PCDH11X: variants seen among roughly 807,000 people sequenced by gnomAD.
The protein encoded by PCDH11X is protocadherin 11 X-linked, also known as protocadherin-11 X-linked.
A neutral mutation model predicts 53.3 loss-of-function variants in PCDH11X; 18 were observed. The ratio of observed to expected loss-of-function variants is 0.34; its 90% CI spans 0.23 to 0.50. The LOEUF is 0.50. PCDH11X is among the 20% of genes least tolerant of loss of function. The pLI is 0.98. For synonymous variants in PCDH11X, 279 were observed against 393.3 expected, an observed-to-expected ratio of 0.71 and a Z score of 3.44; for missense variants, 570 against 1,032.4, an observed-to-expected ratio of 0.55 and a Z score of 6.14.
chrX:92,431,523 A>G (rs2072250334), intron 9 of PCDH11X, among the ~76,000 whole-genome samples: 1 of 110,738 alleles, frequency 9.0e-6, no homozygotes, highest in Non-Finnish European at 1.9e-5. Context: ...GCATTTGAAA[A>G]TGTGCAGAAA....
intron 5 of PCDH11X, among the ~76,000 whole-genome samples, chrX:91,869,020 A>T (rs918539208): frequency 5.4e-5 from 6 of 111,741 alleles, no homozygotes; most frequent in Non-Finnish European, 9.4e-5. Context: ...GACTCAATTT[A>T]TACATAGAAA....
intron 8 of PCDH11X, among the ~76,000 whole-genome samples, chrX:92,377,905 G>T (rs1229427607): frequency 2.7e-4 from 29 of 108,311 alleles, no homozygotes; most frequent in African/African-American, 9.7e-4. Context: ...TATATCCAAA[G>T]ACAATTCATC....
intron 4 of PCDH11X, among the ~76,000 whole-genome samples, chrX:91,813,811 C>G (rs1936366537): frequency 9.1e-6 from 1 of 109,735 alleles, no homozygotes; most frequent in African/African-American, 3.3e-5. Context: ...TAAAAAAACC[C>G]TTTTCTTCTG....
At position 91,899,373 on chromosome X, in the gene PCDH11X, C is replaced by A. The variant is rs1242948133; in HGVS notation, c.3033+20100C>A. On this transcript the variant is annotated intron_variant, in intron 6 of 10. Coordinates refer to ENST00000682573, the MANE Select transcript of PCDH11X (RefSeq NM_032968.5). ...CCTGCTTTTATTCTAGCCGTGCTGGCAGCTGATTAGATTGTGTCCACCGAT... is the reference window on the plus strand; with the variant it reads ...CCTGCTTTTATTCTAGCCGTGCTGGAAGCTGATTAGATTGTGTCCACCGAT... 3.6e-5 allele frequency among the ~76,000 whole-genome samples: 4 copies of A among 110,893 alleles called. No individual in the cohort carries two copies. In the East Asian group the frequency reaches 8.6e-4, roughly 24 times the overall value.
chrX:92,117,384 C>T (rs182619833), intron 6 of PCDH11X, among the ~76,000 whole-genome samples: 4 of 107,465 alleles, frequency 3.7e-5, no homozygotes, highest in Non-Finnish European at 5.7e-5. Flanking sequence ...TTCCAGTGAG[C>T]GGGGATCGGG....
chrX:91,940,128 A>G (rs955573267), intron 6 of PCDH11X, among the ~76,000 whole-genome samples: 2 of 110,286 alleles, frequency 1.8e-5, no homozygotes, highest in Non-Finnish European at 3.8e-5. Context: ...GTGAGTTCTC[A>G]TTAGATCTGA....
chrX:92,060,493 C>A (rs1239150310), intron 6 of PCDH11X, among the ~76,000 whole-genome samples: 1 of 109,402 alleles, frequency 9.1e-6, no homozygotes, highest in Non-Finnish European at 1.9e-5. Flanking sequence ...ACACCCTCCA[C>A]CCTGAAGTAG....
chrX:92,517,535 A>T (rs1217915534), intron 10 of PCDH11X, among the ~76,000 whole-genome samples: 1 of 111,833 alleles, frequency 8.9e-6, no homozygotes, highest in Non-Finnish European at 1.9e-5. Flanking sequence ...ACAGTGTACC[A>T]GAACACTGGT....
At chrX:92,143,114 T>TA (rs1776708132) in intron 6 of PCDH11X, among the ~76,000 whole-genome samples, 2 of 111,050 alleles carry the variant, frequency 1.8e-5, no homozygotes, top group African/African-American at 3.3e-5. Context: ...TCTATCTGTT[T>TA]AAAAAAAGAA....
At chrX:91,892,295 C>T (rs761360190) in intron 6 of PCDH11X, among the ~76,000 whole-genome samples, 20 of 107,087 alleles carry the variant, frequency 1.9e-4, no homozygotes, top group Non-Finnish European at 3.5e-4. Flanking sequence ...AACAGGTTGC[C>T]TTACTTTCTA....
Position 91,807,611 on chromosome X carries a change from T to C in PCDH11X, c.-378-1855T>C, listed in dbSNP as rs1936162449. 4.5e-5 allele frequency among the ~76,000 whole-genome samples: 5 copies of C among 111,279 alleles called. No homozygotes were observed. The Admixed American group carries it at 4.8e-4, about 11-fold the overall frequency. ...TTTCAGAATTTTAGAATCTATGTGTTAGCAAACTGTGTATTCATAGGTTCA... is the reference window on the plus strand; with the variant it reads ...TTTCAGAATTTTAGAATCTATGTGTCAGCAAACTGTGTATTCATAGGTTCA... On this transcript the variant is annotated intron_variant, in intron 1 of 10. Coordinates refer to ENST00000682573, the MANE Select transcript of PCDH11X (RefSeq NM_032968.5).
At chrX:92,319,598 G>T (rs2069154854) in intron 8 of PCDH11X, among the ~76,000 whole-genome samples, 1 of 110,237 alleles carries the variant, frequency 9.1e-6, no homozygotes, top group South Asian at 3.9e-4. Context: ...AGGCTTAAGT[G>T]ATCCTCCGCT....
At chrX:92,089,945 A>G (rs906241598) in intron 6 of PCDH11X, among the ~76,000 whole-genome samples, 4 of 106,006 alleles carry the variant, frequency 3.8e-5, no homozygotes, top group Admixed American at 2.1e-4. Context: ...TTTTAATAAC[A>G]TTGCAATAAA....
At chrX:92,223,098 A>C (rs1016917063) in intron 7 of PCDH11X, among the ~76,000 whole-genome samples, 1 of 112,329 alleles carries the variant, frequency 8.9e-6, no homozygotes, top group Non-Finnish European at 1.9e-5. Context: ...TGATCCTGCC[A>C]ACTCAGCCTC....
intron 4 of PCDH11X, among the ~76,000 whole-genome samples, chrX:91,824,656 A>G (rs1378847935): frequency 9.8e-6 from 1 of 101,871 alleles, no homozygotes; most frequent in Non-Finnish European, 1.9e-5. Flanking sequence ...TGATCGTCTG[A>G]AGCCATCTTC....
chrX:92,030,340 GT>G lies in PCDH11X; in HGVS notation c.3033+151076del, dbSNP rs961926611. Reference sequence around the variant, plus strand: ...GGTTGGGCAAAGATTTTTTATTTTAGTTTTTTTTTAATTTTTAATTTTTGTG... The same window carrying G: ...GGTTGGGCAAAGATTTTTTATTTTAGTTTTTTTTAATTTTTAATTTTTGTG... On this transcript the variant is annotated intron_variant, in intron 6 of 10. Transcript: ENST00000682573. Among the ~76,000 whole-genome samples, 8 of 108,445 alleles carry G rather than the reference GT, an allele frequency of 7.4e-5. No individual in the cohort carries two copies. The East Asian group carries it at 8.7e-4, about 12-fold the overall frequency. 94.2% of individuals were successfully genotyped at this position (108,445 alleles called of 115,157 possible).
At chrX:92,419,187 T>C (rs1334684713) in intron 9 of PCDH11X, among the ~76,000 whole-genome samples, 1 of 109,197 alleles carries the variant, frequency 9.2e-6, no homozygotes, top group Non-Finnish European at 1.9e-5. Context: ...ATTAATATAG[T>C]CATTTCAACT....
intron 10 of PCDH11X, among the ~76,000 whole-genome samples, chrX:92,567,406 C>A (rs2148769304): frequency 1.1e-5 from 1 of 90,345 alleles, no homozygotes; most frequent in South Asian, 5.7e-4. Flanking sequence ...AATAGGAAAT[C>A]ATTCATGATT....
intron 8 of PCDH11X, among the ~76,000 whole-genome samples, chrX:92,322,039 A>G (rs1418508223): frequency 9.2e-6 from 1 of 108,923 alleles, no homozygotes; most frequent in African/African-American, 3.4e-5. Flanking sequence ...ACAGCCTTTT[A>G]AATTATAATT....
Sources: gnomAD v4.1 joint callset for allele counts (sites outside exome capture counted in the v4.1 genomes callset) on GRCh38, gnomAD v4.1.1 for gene constraint, MANE v1.5 for transcripts, NCBI Gene and HGNC (gene_info 2026-07-23, HGNC 2026-07-21) for gene names.